The following SMCO3 variants were observed in gnomAD, a reference collection of about 807,000 sequenced individuals.
SMCO3 encodes single-pass membrane and coiled-coil domain-containing protein 3.
In SMCO3, 6 loss-of-function variants were observed where a neutral mutation model predicts 12.0. The ratio of observed to expected loss-of-function variants is 0.50; its 90% CI spans 0.27 to 0.99. The LOEUF is 0.99. Among genes scored for constraint, SMCO3 ranks in the 50% least tolerant of loss-of-function variants. The pLI is 0.11. For synonymous variants in SMCO3, 96 were observed against 96.4 expected (o/e 1.00, Z 0.02); for missense variants, 279 against 265.0 (o/e 1.05, Z -0.37).
In SMCO3 at chr12:14,806,311, C is replaced by T. The variant is rs375653575; in HGVS notation, c.370G>A (p.Ala124Thr). The change falls in exon 2 of 2, where the codon GCT (alanine) becomes ACT (threonine). Residue 124 changes from alanine (A) to threonine (T), a missense_variant. Ala to Thr is a moderately conservative substitution (Grantham distance 58). Coordinates refer to ENST00000316048, the MANE Select transcript of SMCO3 (RefSeq NM_001013698.2). ...GCGACTGCACTGGCTGCAGATGTAG[C>T]TTCTCCCAGGATGACCGAAATAACC... ...QKVISVILGE[A>T]TSAASAVAVK... 7 of 1,614,126 alleles carry T rather than the reference C, an allele frequency of 4.3e-6. No homozygotes were observed. In the African/African-American group the frequency reaches 6.7e-5, roughly 15 times the overall value.
Position 14,808,320 on chromosome 12 carries a change from G to A in SMCO3, c.-16-1624C>T, listed in dbSNP as rs1296394762. ...TCTAAATTTGAGCCAGTAAGAGCAC[G>A]ATGCTACTCAATATGCATACTTTGA... is the stretch of plus-strand genomic sequence containing the variant. On this transcript the variant is annotated intron_variant, in intron 1 of 1. Coordinates refer to ENST00000316048, the MANE Select transcript of SMCO3 (RefSeq NM_001013698.2). Among the ~76,000 whole-genome samples the A allele has an allele frequency of 2.0e-4, 31 of 151,892 alleles. 1 individual carries two copies. Among genetic ancestry groups the A allele is most frequent in the Admixed American group, 2.0e-3 (31 of 15,260 alleles).
At position 14,804,900 on chromosome 12, in the gene SMCO3, C is replaced by G. The variant is rs1950024725; in HGVS notation, c.*1103G>C. Reference sequence around the variant, plus strand: ...GGATGGGAGAATCAACTATAACAAACACAGTCTGGCATCAACAGCATATTA... The same window carrying G: ...GGATGGGAGAATCAACTATAACAAAGACAGTCTGGCATCAACAGCATATTA... On this transcript the variant is annotated 3_prime_UTR_variant, in exon 2 of 2. Transcript: ENST00000316048. 1 of 152,158 alleles carries G rather than the reference C, an allele frequency of 6.6e-6. No individual in the cohort carries two copies. Among genetic ancestry groups the G allele is most frequent in the South Asian group, 2.1e-4 (1 of 4,834 alleles). 9.4% of individuals were successfully genotyped at this position (152,158 alleles called of 1,614,324 possible). A position where few individuals can be genotyped will look rare whatever the true frequency, so the allele number is the denominator to read the frequency against.
At chr12:14,813,102 A>T (rs1350525572) in intron 1 of SMCO3, among the ~76,000 whole-genome samples, 1 of 152,178 alleles carries the variant, frequency 6.6e-6, no homozygotes, top group Non-Finnish European at 1.5e-5. Flanking sequence ...TTTAAAGCTG[A>T]GTTATGGGTA....
At position 14,806,171 on chromosome 12, in the gene SMCO3, A is replaced by T. The variant is rs2137253054; in HGVS notation, c.510T>A (p.Leu170=). ...LGSIGVAVLG[L]GIDMIVRAIL... Reference sequence around the variant, plus strand: ...TGGCACGGACAATCATATCTATGCCAAGGCCAAGAACAGCAACTCCAATAC... The same window carrying T: ...TGGCACGGACAATCATATCTATGCCTAGGCCAAGAACAGCAACTCCAATAC... The change falls in exon 2 of 2, where the codon CTT becomes CTA. Residue 170 remains leucine, a synonymous_variant. Coordinates refer to ENST00000316048, the MANE Select transcript of SMCO3 (RefSeq NM_001013698.2). 6.2e-7 allele frequency: 1 copy of T among 1,614,156 alleles called. No homozygotes were observed. The highest frequency in any genetic ancestry group is 1.1e-5 in the South Asian group (1 of 91,088).
intron 1 of SMCO3, among the ~76,000 whole-genome samples, chr12:14,807,890 G>A (rs1317042485): frequency 1.3e-5 from 2 of 152,210 alleles, no homozygotes; most frequent in African/African-American, 2.4e-5. Context: ...AAGGGGCCGG[G>A]CATGGTGGCT....
rs924012913 is a variant in SMCO3, at chr12:14,805,303, G to A, written c.*700C>T. The A allele has an allele frequency of 3.9e-5, 6 of 152,162 alleles. No individual in the cohort carries two copies. Among genetic ancestry groups the A allele is most frequent in the African/African-American group, 1.4e-4 (6 of 41,430 alleles). The allele number at this position is 152,162 out of a possible 1,614,324, so 9.4% of individuals were successfully genotyped here. ...TTTCAGTGTTTGAACATTCACTTGA[G>A]CGATATTTAATTATCACAGTTGGTC... On this transcript the variant is annotated 3_prime_UTR_variant, in exon 2 of 2. Coordinates refer to ENST00000316048, the MANE Select transcript of SMCO3 (RefSeq NM_001013698.2).
intron 1 of SMCO3, among the ~76,000 whole-genome samples, chr12:14,808,450 C>T (rs1273457230): frequency 6.6e-6 from 1 of 152,146 alleles, no homozygotes; most frequent in African/African-American, 2.4e-5. Context: ...GAATCTGGCA[C>T]AGCCTCTTTT....
intron 1 of SMCO3, among the ~76,000 whole-genome samples, chr12:14,810,109 A>G (rs1950113262): frequency 6.6e-6 from 1 of 152,212 alleles, no homozygotes; most frequent in Non-Finnish European, 1.5e-5. Flanking sequence ...TGTTTCCCTT[A>G]TAATGAAAAA....
In SMCO3 at chr12:14,805,846, G is replaced by T; in HGVS notation, c.*157C>A. On this transcript the variant is annotated 3_prime_UTR_variant, in exon 2 of 2. Transcript: ENST00000316048. ...GCATTGTTGACTCAAAACTCATCTA[G>T]TCATCTAGTCTTGGCATCTCCAGTT... 2 of 756,718 alleles carry T rather than the reference G, an allele frequency of 2.6e-6. No homozygotes were observed. Among genetic ancestry groups the T allele is most frequent in the Non-Finnish European group, 2.1e-6 (1 of 479,694 alleles). 46.9% of individuals were successfully genotyped at this position (756,718 alleles called of 1,614,324 possible).
chr12:14,804,893 T>C lies in SMCO3; in HGVS notation c.*1110A>G, dbSNP rs149295353. 1 of 152,342 alleles carries C rather than the reference T, an allele frequency of 6.6e-6. No homozygotes were observed. Among genetic ancestry groups the C allele is most frequent in the African/African-American group, 2.4e-5 (1 of 41,584 alleles). The allele number at this position is 152,342 out of a possible 1,614,324, so 9.4% of individuals were successfully genotyped here. On this transcript the variant is annotated 3_prime_UTR_variant, in exon 2 of 2. Coordinates refer to ENST00000316048, the MANE Select transcript of SMCO3 (RefSeq NM_001013698.2). ...TGTACTTGGATGGGAGAATCAACTA[T>C]AACAAACACAGTCTGGCATCAACAG...
rs1376643835 is a variant in SMCO3, at chr12:14,805,775, G to A, written c.*228C>T. 4 of 516,426 alleles carry A rather than the reference G, an allele frequency of 7.7e-6. No homozygotes were observed. The highest frequency in any genetic ancestry group is 1.4e-5 in the Non-Finnish European group (4 of 296,254). The allele number at this position is 516,426 out of a possible 1,614,324, so 32.0% of individuals were successfully genotyped here. A position where few individuals can be genotyped will look rare whatever the true frequency, so the allele number is the denominator to read the frequency against. On this transcript the variant is annotated 3_prime_UTR_variant, in exon 2 of 2. Coordinates refer to ENST00000316048, the MANE Select transcript of SMCO3 (RefSeq NM_001013698.2). The stretch of plus-strand genomic sequence containing the variant: ...TAGAGCAGGGTGTGAAAACATCCAG[G>A]GAGAAAATTTTTTTACCTCACAGGG...
chr12:14,809,887 A>G (rs1387321678), intron 1 of SMCO3, among the ~76,000 whole-genome samples: 2 of 152,224 alleles, frequency 1.3e-5, no homozygotes, highest in Admixed American at 1.3e-4. Flanking sequence ...AATAGTATCT[A>G]ATAAAATGGT....
Position 14,806,152 on chromosome 12 carries a change from G to T in SMCO3, c.529C>A (p.Arg177Ser). 1 of 1,613,990 alleles carries T rather than the reference G, an allele frequency of 6.2e-7. No individual in the cohort carries two copies. Among genetic ancestry groups the T allele is most frequent in the Non-Finnish European group, 8.5e-7 (1 of 1,180,010 alleles). ...VLGLGIDMIVRAILGAVEKTQ... is the reference protein window; with the variant it reads ...VLGLGIDMIVSAILGAVEKTQ... ...TTTTCCACTGCTCCCAGGATGGCAC[G>T]GACAATCATATCTATGCCAAGGCCA... The change falls in exon 2 of 2, where the codon CGT (arginine) becomes AGT (serine). Residue 177 changes from arginine to serine, a missense_variant. Coordinates refer to ENST00000316048, the MANE Select transcript of SMCO3 (RefSeq NM_001013698.2).
intron 1 of SMCO3, among the ~76,000 whole-genome samples, chr12:14,811,980 A>G (rs1255773005): frequency 6.6e-6 from 1 of 152,204 alleles, no homozygotes; most frequent in East Asian, 1.9e-4. Flanking sequence ...TAACATATAC[A>G]CTTTTTTAAA....
chr12:14,810,409 A>G (rs894576182), intron 1 of SMCO3, among the ~76,000 whole-genome samples: 5 of 152,248 alleles, frequency 3.3e-5, no homozygotes, highest in Non-Finnish European at 7.3e-5. Context: ...TTATTGATTC[A>G]TTAACAATTC....
At chr12:14,812,220 G>A (rs1185474267) in intron 1 of SMCO3, among the ~76,000 whole-genome samples, 3 of 152,168 alleles carry the variant, frequency 2.0e-5, no homozygotes, top group Admixed American at 2.0e-4. Context: ...CGAGGCGGGC[G>A]GATCACGAGG....
At position 14,806,408 on chromosome 12, in the gene SMCO3, T is replaced by C; in HGVS notation, c.273A>G (p.Leu91=). Reference sequence around the variant, plus strand: ...GAAGTTTTCTATAGAGGGTTGGCTCTAGCTTATCTTTTAGTGCTTCATCAA... The same window carrying C: ...GAAGTTTTCTATAGAGGGTTGGCTCCAGCTTATCTTTTAGTGCTTCATCAA... The part of the protein sequence containing the change: ...QKVDEALKDK[L]EPTLYRKLQD... Residue 91 remains leucine, a synonymous_variant, in exon 2 of 2, where the codon CTA becomes CTG. Transcript: ENST00000316048. 6.2e-7 allele frequency: 1 copy of C among 1,614,246 alleles called. No homozygotes were observed. The highest frequency in any genetic ancestry group is 8.5e-7 in the Non-Finnish European group (1 of 1,180,046).
At chr12:14,808,201 G>C (rs1182751743) in intron 1 of SMCO3, among the ~76,000 whole-genome samples, 1 of 151,958 alleles carries the variant, frequency 6.6e-6, no homozygotes, top group Non-Finnish European at 1.5e-5. Flanking sequence ...ATCATAGAAT[G>C]AATAAAATAA....
At chr12:14,811,064 T>C (rs1950128389) in intron 1 of SMCO3, among the ~76,000 whole-genome samples, 1 of 152,214 alleles carries the variant, frequency 6.6e-6, no homozygotes, top group Non-Finnish European at 1.5e-5. Context: ...CAGCAAGTGG[T>C]ATATTTAATC....
Sources: allele counts gnomAD v4.1 joint callset (sites outside exome capture counted in the v4.1 genomes callset), GRCh38; gene constraint gnomAD v4.1.1; transcripts MANE v1.5; gene names NCBI Gene and HGNC (gene_info 2026-07-23, HGNC 2026-07-21).